Variants in TG observed in about 807,000 individuals in gnomAD.
TG encodes thyroglobulin, also known as thyroid hormones.
In TG, 270 loss-of-function variants were observed where a neutral mutation model predicts 324.7. That is an observed-to-expected ratio of 0.83 (90% CI 0.75 to 0.92). The LOEUF is 0.92. Among genes scored for constraint, TG ranks in the 40% least tolerant of loss-of-function variants. TG has a pLI of 0.00. For synonymous variants in TG, 1,401 were observed against 1,327.0 expected (o/e 1.06, Z -1.21); for missense variants, 3,591 against 3,456.4 (o/e 1.04, Z -0.98).
chr8:132,933,776 T>A, intron 24 of TG, 100 bp downstream of exon 24: 1 of 1,064,572 alleles, frequency 9.4e-7, no homozygotes, highest in Non-Finnish European at 1.5e-6. Flanking sequence ...TGGAATGAGG[T>A]TGTCGAGAGC....
intron 26 of TG, among the ~76,000 whole-genome samples, chr8:132,942,317 AT>A (rs1175723299): frequency 6.6e-6 from 1 of 152,226 alleles, no homozygotes; most frequent in African/African-American, 2.4e-5. Flanking sequence ...CTGCGTATAG[AT>A]TTGGCTCCTG....
intron 31 of TG, among the ~76,000 whole-genome samples, chr8:132,968,638 C>T (rs1189823130): frequency 6.6e-6 from 1 of 152,246 alleles, no homozygotes; most frequent in African/African-American, 2.4e-5. Flanking sequence ...GGTCCACAAG[C>T]TGACTGGGCA....
At chr8:132,942,553 G>A (rs553928407) in intron 26 of TG, among the ~76,000 whole-genome samples, 2 of 152,336 alleles carry the variant, frequency 1.3e-5, no homozygotes, top group East Asian at 3.9e-4. Context: ...GCAATGGAAT[G>A]TTCTAGGCAT....
chr8:133,089,302 T>G (rs978085020), intron 41 of TG, among the ~76,000 whole-genome samples: 16 of 152,168 alleles, frequency 1.1e-4, no homozygotes, highest in African/African-American at 3.9e-4. Context: ...GAGGAATAAC[T>G]ACCTCCCAAC....
At chr8:133,113,009 C>A (rs1278336399) in intron 43 of TG, among the ~76,000 whole-genome samples, 4 of 152,166 alleles carry the variant, frequency 2.6e-5, no homozygotes, top group Admixed American at 2.0e-4. Context: ...ATTTAGCTCT[C>A]CTAACATGAC....
At chr8:132,973,659 T>C (rs372749191) in intron 34 of TG, among the ~76,000 whole-genome samples, 1 of 152,192 alleles carries the variant, frequency 6.6e-6, no homozygotes, top group South Asian at 2.1e-4. Flanking sequence ...TCACATGTGT[T>C]TATGGTATGG....
intron 34 of TG, among the ~76,000 whole-genome samples, chr8:132,975,877 G>A (rs987514273): frequency 1.3e-5 from 2 of 152,186 alleles, no homozygotes; most frequent in Non-Finnish European, 2.9e-5. Context: ...GTCACTCACA[G>A]TCTAAGAAGG....
intron 17 of TG, 145 bp downstream of exon 17, chr8:132,907,045 A>T: frequency 1.2e-6 from 1 of 838,474 alleles, no homozygotes; most frequent in East Asian, 2.7e-5. Context: ...GAGATGGGAG[A>T]GAGTCCCATG....
At chr8:133,129,711 G>A (rs577400385) in intron 45 of TG, among the ~76,000 whole-genome samples, 1 of 152,184 alleles carries the variant, frequency 6.6e-6, no homozygotes, top group African/African-American at 2.4e-5. Flanking sequence ...TGCCCAGGCT[G>A]GTTTTGAACT....
intron 41 of TG, among the ~76,000 whole-genome samples, chr8:133,067,866 GAAA>G (rs1843271061): frequency 2.0e-5 from 1 of 49,332 alleles, no homozygotes; most frequent in Non-Finnish European, 3.7e-5. Flanking sequence ...AAGAAAGAAA[GAAA>G]GGAAGGAAGG....
chr8:133,013,484 A>AGGAT (rs1834711668), intron 36 of TG, 116 bp from the exon 37 acceptor site: 3 of 1,276,532 alleles, frequency 2.4e-6, no homozygotes, highest in Admixed American at 1.7e-5. Context: ...ATTGGATAGA[A>AGGAT]GGATGGATGG....
rs115192301 is a variant in TG, at chr8:133,014,909, A to T, written c.6562+1145A>T. Among the ~76,000 whole-genome samples the T allele has an allele frequency of 3.1e-3, 478 of 152,210 alleles. 4 individuals carry two copies. The highest frequency in any genetic ancestry group is 0.011 in the African/African-American group (457 of 41,526). On this transcript the variant is annotated intron_variant, in intron 37 of 47. Coordinates refer to ENST00000220616, the MANE Select transcript of TG (RefSeq NM_003235.5). ...GCTATGTAGATTTTTTTTCTGAGAC[A>T]GAGTCTCACTCTGTCACTCAGGCTG...
In TG at chr8:132,964,930, C is replaced by T. The variant is rs1163219889; in HGVS notation, c.5549-1630C>T. ...GGCCAGAAGGATCTGCCAGATGCTC[C>T]CAGGTATACCTGAGAAAAGGTGTTC... On this transcript the variant is annotated intron_variant, in intron 29 of 47. Transcript: ENST00000220616. The T allele has an allele frequency of 4.8e-5, 34 of 702,160 alleles. 1 individual carries two copies. The East Asian group carries it at 8.9e-4, about 18-fold the overall frequency. 43.5% of individuals were successfully genotyped at this position (702,160 alleles called of 1,614,324 possible).
chr8:133,055,099 C>T (rs1182028356), intron 41 of TG, among the ~76,000 whole-genome samples: 3 of 152,060 alleles, frequency 2.0e-5, no homozygotes, highest in Non-Finnish European at 4.4e-5. Context: ...TTCACGGAGC[C>T]ACACGGCTCT....
intron 40 of TG, among the ~76,000 whole-genome samples, chr8:133,028,643 A>T (rs1161297310): frequency 6.6e-6 from 1 of 152,172 alleles, no homozygotes; most frequent in Non-Finnish European, 1.5e-5. Context: ...CGTTTTACAG[A>T]TGGGGAAAAT....
intron 43 of TG, among the ~76,000 whole-genome samples, chr8:133,098,673 C>A (rs1848802826): frequency 6.6e-6 from 1 of 152,174 alleles, no homozygotes; most frequent in African/African-American, 2.4e-5. Context: ...CTAGAAAGGG[C>A]TGATGGGGCT....
At position 133,099,464 on chromosome 8, in the gene TG, A is replaced by G. The variant is rs796833188; in HGVS notation, c.7572+3091A>G. Among the ~76,000 whole-genome samples, 120 of 152,322 alleles carry G rather than the reference A, an allele frequency of 7.9e-4. 1 individual carries two copies. Among genetic ancestry groups the G allele is most frequent in the African/African-American group, 2.6e-3 (110 of 41,570 alleles). On this transcript the variant is annotated intron_variant, in intron 43 of 47. Transcript: ENST00000220616. The stretch of plus-strand genomic sequence containing the variant: ...TCACAGCTCAGTGCCACTGCATGCA[A>G]TCATCTCCTAAACATGTGTCTGCAC...
Position 133,112,878 on chromosome 8 carries a change from A to G in TG, c.7573-544A>G, listed in dbSNP as rs188526235. Among the ~76,000 whole-genome samples the G allele has an allele frequency of 2.0e-5, 3 of 152,256 alleles. No homozygotes were observed. In the East Asian group the frequency reaches 5.8e-4, roughly 29 times the overall value. On this transcript the variant is annotated intron_variant, in intron 43 of 47. Coordinates refer to ENST00000220616, the MANE Select transcript of TG (RefSeq NM_003235.5). ...CCAAGAGACAGGGAGCTTGATCGGC[A>G]TGTTTGTGGCTGTTTCTCCAAGCCT... is the stretch of plus-strand genomic sequence containing the variant.
chr8:132,943,136 A>G (rs554254269), intron 26 of TG, among the ~76,000 whole-genome samples: 5 of 152,206 alleles, frequency 3.3e-5, no homozygotes, highest in East Asian at 1.9e-4. Context: ...GCCTGATACA[A>G]TTTGGATGTT....
Sources: gnomAD v4.1 joint callset for allele counts (sites outside exome capture counted in the v4.1 genomes callset) on GRCh38, gnomAD v4.1.1 for gene constraint, MANE v1.5 for transcripts, NCBI Gene and HGNC (gene_info 2026-07-23, HGNC 2026-07-21) for gene names.